Variants in FTO observed in about 807,000 individuals in gnomAD.
FTO encodes the protein FTO alpha-ketoglutarate dependent dioxygenase, also known as alpha-ketoglutarate-dependent dioxygenase FTO.
A neutral mutation model predicts 63.9 loss-of-function variants in FTO; 47 were observed. That is an observed-to-expected ratio of 0.74 (90% CI 0.58 to 0.94). FTO has a LOEUF of 0.94. FTO is among the 40% of genes least tolerant of loss of function. The probability of loss-of-function intolerance (pLI) is 0.00; values close to 1 mark genes in which losing one functional copy is unlikely to be tolerated. For missense variants in FTO, 562 were observed against 618.1 expected (o/e 0.91, Z 0.96); for synonymous variants, 207 against 224.4 (o/e 0.92, Z 0.69).
intron 1 of FTO, among the ~76,000 whole-genome samples, chr16:53,743,966 A>G (rs773944141): frequency 6.6e-6 from 1 of 152,158 alleles, no homozygotes; most frequent in East Asian, 1.9e-4. Flanking sequence ...TAAAATTCCT[A>G]TGAAATAATT....
At chr16:53,841,959 A>AG in intron 3 of FTO, among the ~76,000 whole-genome samples, 1 of 152,202 alleles carries the variant, frequency 6.6e-6, no homozygotes. Context: ...TTTAGTACTG[A>AG]GGACTGTACT....
At chr16:53,819,138 TTAAGTA>T (rs1443135024) in intron 2 of FTO, among the ~76,000 whole-genome samples, 1 of 152,210 alleles carries the variant, frequency 6.6e-6, no homozygotes, top group Non-Finnish European at 1.5e-5. Context: ...AGTAACTAAT[TTAAGTA>T]TAATACAAAT....
intron 1 of FTO, among the ~76,000 whole-genome samples, chr16:53,779,371 TTGTGTAACTGGAGTCTC>T (rs2077534368): frequency 6.6e-6 from 1 of 152,172 alleles, no homozygotes; most frequent in Admixed American, 6.5e-5. Flanking sequence ...GAGGAGGAGA[TTGTGTAACTGGAGTCTC>T]CCCTTAACTG....
chr16:54,120,629 A>T lies in FTO; in HGVS notation c.*8714A>T. ...GAAGTTATTTCAGGTGAATTATAGAAACTGGATTTCAAGTTTCTGATAAGT... is the reference window on the plus strand; with the variant it reads ...GAAGTTATTTCAGGTGAATTATAGATACTGGATTTCAAGTTTCTGATAAGT... On this transcript the variant is annotated 3_prime_UTR_variant, in exon 9 of 9. Transcript: ENST00000471389. The T allele has an allele frequency of 6.6e-6, 1 of 152,150 alleles. No individual in the cohort carries two copies. The highest frequency in any genetic ancestry group is 1.9e-4 in the East Asian group (1 of 5,186). The allele number at this position is 152,150 out of a possible 1,614,324, so 9.4% of individuals were successfully genotyped here.
intron 1 of FTO, among the ~76,000 whole-genome samples, chr16:53,715,220 C>T (rs1299377119): frequency 6.6e-6 from 1 of 152,084 alleles, no homozygotes; most frequent in Non-Finnish European, 1.5e-5. Flanking sequence ...TTAGCTATAG[C>T]CCAGGGTTGT....
At chr16:53,895,291 C>CA (rs1381445982) in intron 7 of FTO, among the ~76,000 whole-genome samples, 1 of 151,964 alleles carries the variant, frequency 6.6e-6, no homozygotes, top group Non-Finnish European at 1.5e-5. Flanking sequence ...AGGAATTTTA[C>CA]AAGAAAGTGT....
At position 53,765,553 on chromosome 16, in the gene FTO, G is replaced by A. The variant is rs533175490; in HGVS notation, c.46-44587G>A. ...GCCTGGGCAACAAGAGCGAAACTCC[G>A]TCTCAAAAAAAAAAAAAAAGAAAGT... On this transcript the variant is annotated intron_variant, in intron 1 of 8. Transcript: ENST00000471389. Among the ~76,000 whole-genome samples, 197 of 105,458 alleles carry A rather than the reference G, an allele frequency of 1.9e-3. 2 individuals are homozygous for A. The East Asian group carries it at 0.041, about 22-fold the overall frequency. 69.2% of individuals were successfully genotyped at this position (105,458 alleles called of 152,430 possible).
intron 6 of FTO, among the ~76,000 whole-genome samples, chr16:53,888,180 A>G (rs1392859750): frequency 6.6e-6 from 1 of 151,892 alleles, no homozygotes; most frequent in Admixed American, 6.6e-5. Flanking sequence ...GTTGTGTAAG[A>G]GAATTTCAGC....
intron 1 of FTO, among the ~76,000 whole-genome samples, chr16:53,783,832 A>G (rs2077658501): frequency 6.6e-6 from 1 of 151,764 alleles, no homozygotes; most frequent in African/African-American, 2.4e-5. Context: ...ATTATATCCT[A>G]TGTCTTTTAC....
At chr16:54,034,794 A>C (rs2084908331) in intron 8 of FTO, among the ~76,000 whole-genome samples, 1 of 152,246 alleles carries the variant, frequency 6.6e-6, no homozygotes, top group Admixed American at 6.5e-5. Context: ...GGCTACATTC[A>C]CAATGTTGCG....
At chr16:53,711,845 G>A (rs1055021327) in intron 1 of FTO, among the ~76,000 whole-genome samples, 3 of 152,108 alleles carry the variant, frequency 2.0e-5, no homozygotes, top group South Asian at 2.1e-4. Context: ...GTAACCTACC[G>A]TTTTAAGTAA....
chr16:53,878,803 C>T (rs1002221133), intron 5 of FTO, among the ~76,000 whole-genome samples: 2 of 152,168 alleles, frequency 1.3e-5, no homozygotes, highest in Non-Finnish European at 2.9e-5. Context: ...TTTGCTCCCA[C>T]GGACTCAGAG....
chr16:53,801,723 ATT>A (rs60351438), intron 1 of FTO, among the ~76,000 whole-genome samples: 10 of 137,816 alleles, frequency 7.3e-5, no homozygotes, highest in Admixed American at 7.2e-5. Context: ...TCCGGCAACC[ATT>A]TTTTTTTTTT....
chr16:53,941,977 G>A (rs984362845), intron 8 of FTO, among the ~76,000 whole-genome samples: 1 of 152,238 alleles, frequency 6.6e-6, no homozygotes, highest in Non-Finnish European at 1.5e-5. Flanking sequence ...AAGAATGCCT[G>A]ACACTCAGAT....
intron 8 of FTO, among the ~76,000 whole-genome samples, chr16:54,100,076 A>G (rs1160127129): frequency 6.6e-6 from 1 of 152,202 alleles, no homozygotes; most frequent in Admixed American, 6.5e-5. Context: ...TTCCCAGGAC[A>G]TTCACCTGGA....
At chr16:53,893,328 A>G (rs1459398372) in intron 7 of FTO, among the ~76,000 whole-genome samples, 2 of 151,952 alleles carry the variant, frequency 1.3e-5, no homozygotes, top group African/African-American at 4.8e-5. Context: ...TCCTACCCCC[A>G]CCGCCCCTGC....
chr16:53,759,327 C>A (rs544008766), intron 1 of FTO, among the ~76,000 whole-genome samples: 2 of 152,186 alleles, frequency 1.3e-5, no homozygotes, highest in East Asian at 3.9e-4. Flanking sequence ...GAGGATCAGT[C>A]CAGGTGGTCC....
At chr16:53,740,833 C>T (rs1232188127) in intron 1 of FTO, among the ~76,000 whole-genome samples, 1 of 152,126 alleles carries the variant, frequency 6.6e-6, no homozygotes, top group Non-Finnish European at 1.5e-5. Flanking sequence ...AAATACATAA[C>T]CATAAATTAA....
At chr16:54,010,103 G>T (rs192884098) in intron 8 of FTO, among the ~76,000 whole-genome samples, 1 of 152,124 alleles carries the variant, frequency 6.6e-6, no homozygotes, top group Non-Finnish European at 1.5e-5. Flanking sequence ...TTGCTAGGGT[G>T]CCAGTTCTTG....
Sources: allele counts gnomAD v4.1 joint callset (sites outside exome capture counted in the v4.1 genomes callset), GRCh38; gene constraint gnomAD v4.1.1; transcripts MANE v1.5; gene names NCBI Gene and HGNC (gene_info 2026-07-23, HGNC 2026-07-21).